ZNF740: variants seen among roughly 807,000 people sequenced by gnomAD.
ZNF740 encodes the protein zinc finger protein 740.
A neutral mutation model predicts 24.8 loss-of-function variants in ZNF740; 14 were observed. The ratio of observed to expected loss-of-function variants is 0.56; its 90% CI spans 0.37 to 0.88. The LOEUF is 0.88. Among genes scored for constraint, ZNF740 ranks in the 40% least tolerant of loss-of-function variants. ZNF740 has a pLI of 0.00. For synonymous variants in ZNF740, 69 were observed against 84.0 expected (o/e 0.82, Z 0.98); for missense variants, 201 against 247.9 (o/e 0.81, Z 1.27).
chr12:53,193,378 C>A lies in ZNF740; in HGVS notation c.*5788C>A. The A allele has an allele frequency of 6.5e-7, 1 of 1,546,128 alleles. No individual in the cohort carries two copies. Among genetic ancestry groups the A allele is most frequent in the Non-Finnish European group, 8.8e-7 (1 of 1,141,562 alleles). Reference sequence around the variant, plus strand: ...CAGGGGCACAGCTGGAAGGGGAAGGCAAAGGAGAGAAGTAGGTCAGAGGGT... The same window carrying A: ...CAGGGGCACAGCTGGAAGGGGAAGGAAAAGGAGAGAAGTAGGTCAGAGGGT... On this transcript the variant is annotated 3_prime_UTR_variant, in exon 7 of 7. Coordinates refer to ENST00000416904, the MANE Select transcript of ZNF740 (RefSeq NM_001004304.4).
rs1175467493 is a variant in ZNF740, at chr12:53,192,482, G to T, written c.*4892G>T. The T allele has an allele frequency of 6.2e-7, 1 of 1,614,084 alleles. No individual in the cohort carries two copies. Among genetic ancestry groups the T allele is most frequent in the Non-Finnish European group, 8.5e-7 (1 of 1,180,056 alleles). On this transcript the variant is annotated 3_prime_UTR_variant, in exon 7 of 7. Transcript: ENST00000416904. ...GGTCACATTGGTATGGGCACAAGCTGTACTGCAGTTGGTGGCCAGTGGGCC... is the reference window on the plus strand; with the variant it reads ...GGTCACATTGGTATGGGCACAAGCTTTACTGCAGTTGGTGGCCAGTGGGCC...
At position 53,193,266 on chromosome 12, in the gene ZNF740, C is replaced by T; in HGVS notation, c.*5676C>T. 2 of 1,613,926 alleles carry T rather than the reference C, an allele frequency of 1.2e-6. No homozygotes were observed. The highest frequency in any genetic ancestry group is 1.1e-5 in the South Asian group (1 of 91,048). ...TGACCCTTTCCACTGCACAGGGGCC[C>T]TGTGCCATTGGGAGCCCGGCACCCA... is the stretch of plus-strand genomic sequence containing the variant. On this transcript the variant is annotated 3_prime_UTR_variant, in exon 7 of 7. Transcript: ENST00000416904.
rs1348290768 is a variant in ZNF740 at position 53,191,798 on chromosome 12, CAG to C, written c.*4209_*4210del. 48 of 1,603,650 alleles carry C rather than the reference CAG, an allele frequency of 3.0e-5. No homozygotes were observed. The highest frequency in any genetic ancestry group is 3.7e-5 in the Non-Finnish European group (43 of 1,171,464). ...GCTGGGGGAACCCAGTGGGAGGAAT[CAG>C]GGCTGGTCTTGTGGTGGGGGAACAG... On this transcript the variant is annotated 3_prime_UTR_variant, in exon 7 of 7. Transcript: ENST00000416904.
chr12:53,181,576 G>C, intron 1 of ZNF740, 101 bp from the exon 2 acceptor site: 1 of 913,466 alleles, frequency 1.1e-6, no homozygotes, highest in Non-Finnish European at 1.3e-6. Context: ...CTCGTTCTGA[G>C]CTTCACAGAG....
chr12:53,193,967 A>G lies in ZNF740; in HGVS notation c.*6377A>G, dbSNP rs751675642. 8 of 1,457,766 alleles carry G rather than the reference A, an allele frequency of 5.5e-6. No individual in the cohort carries two copies. Among genetic ancestry groups the G allele is most frequent in the East Asian group, 4.6e-5 (2 of 43,628 alleles). 90.3% of individuals were successfully genotyped at this position (1,457,766 alleles called of 1,614,324 possible). On this transcript the variant is annotated 3_prime_UTR_variant, in exon 7 of 7. Transcript: ENST00000416904. ...ACACACACATACCCCAAACTCACCA[A>G]TCATCCAGAACCTCACCCCTTAGTA...
chr12:53,192,034 C>T lies in ZNF740; in HGVS notation c.*4444C>T. ...GTCTGCTCCCTCTGTGAACAAGAAA[C>T]CAGACACACTTGTGGGAGCTGGAGC... On this transcript the variant is annotated 3_prime_UTR_variant, in exon 7 of 7. Coordinates refer to ENST00000416904, the MANE Select transcript of ZNF740 (RefSeq NM_001004304.4). The T allele has an allele frequency of 1.2e-6, 2 of 1,608,892 alleles. No homozygotes were observed. The highest frequency in any genetic ancestry group is 1.7e-6 in the Non-Finnish European group (2 of 1,176,784).
In ZNF740 at chr12:53,191,712, C is replaced by G; in HGVS notation, c.*4122C>G. Reference sequence around the variant, plus strand: ...CCCTTTCTAGACCTAAGAGGCCAGCCTTGAGCCGAATCCTAGGAGCTGATG... The same window carrying G: ...CCCTTTCTAGACCTAAGAGGCCAGCGTTGAGCCGAATCCTAGGAGCTGATG... On this transcript the variant is annotated 3_prime_UTR_variant, in exon 7 of 7. Transcript: ENST00000416904. The G allele has an allele frequency of 6.5e-7, 1 of 1,538,448 alleles. No individual in the cohort carries two copies. The highest frequency in any genetic ancestry group is 1.4e-5 in the African/African-American group (1 of 73,516).
Position 53,191,435 on chromosome 12 carries a change from G to A in ZNF740, c.*3845G>A. On this transcript the variant is annotated 3_prime_UTR_variant, in exon 7 of 7. Coordinates refer to ENST00000416904, the MANE Select transcript of ZNF740 (RefSeq NM_001004304.4). Reference sequence around the variant, plus strand: ...CACTCTGAAAATGAAGTAGGGTGGTGGCCGCACCTCGCCAGTGAATTAGTC... The same window carrying A: ...CACTCTGAAAATGAAGTAGGGTGGTAGCCGCACCTCGCCAGTGAATTAGTC... 6.3e-6 allele frequency: 5 copies of A among 793,252 alleles called. No homozygotes were observed. Among genetic ancestry groups the A allele is most frequent in the South Asian group, 5.7e-5 (4 of 70,626 alleles). 49.1% of individuals were successfully genotyped at this position (793,252 alleles called of 1,614,324 possible).
In ZNF740 at chr12:53,187,926, G is replaced by A. The variant is rs1378374021; in HGVS notation, c.*336G>A. The A allele has an allele frequency of 7.1e-6, 2 of 283,540 alleles. No homozygotes were observed. The highest frequency in any genetic ancestry group is 1.3e-5 in the Non-Finnish European group (2 of 148,362). The allele number at this position is 283,540 out of a possible 1,614,324, so 17.6% of individuals were successfully genotyped here. On this transcript the variant is annotated 3_prime_UTR_variant, in exon 7 of 7. Transcript: ENST00000416904. ...CAACCTTGGACTCCAGCTGGCAGCT[G>A]AAATGGAAAAGATTGGGGAAGGGGA...
chr12:53,194,000 G>A lies in ZNF740; in HGVS notation c.*6410G>A. ...GAACCTCACCCCTTAGTAAATGAAG[G>A]GATGGGGTCATGTTAACACCCAACT... On this transcript the variant is annotated 3_prime_UTR_variant, in exon 7 of 7. Transcript: ENST00000416904. The A allele has an allele frequency of 7.4e-7, 1 of 1,346,138 alleles. No individual in the cohort carries two copies. Among genetic ancestry groups the A allele is most frequent in the South Asian group, 1.4e-5 (1 of 72,886 alleles). The allele number at this position is 1,346,138 out of a possible 1,614,324, so 83.4% of individuals were successfully genotyped here.
rs1424074370 is a variant in ZNF740 at position 53,190,015 on chromosome 12, T to G, written c.*2425T>G. The G allele has an allele frequency of 7.3e-6, 1 of 136,650 alleles. No homozygotes were observed. The highest frequency in any genetic ancestry group is 2.7e-5 in the African/African-American group (1 of 37,402). The allele number at this position is 136,650 out of a possible 1,614,324, so 8.5% of individuals were successfully genotyped here. A position where few individuals can be genotyped will look rare whatever the true frequency, so the allele number is the denominator to read the frequency against. On this transcript the variant is annotated 3_prime_UTR_variant, in exon 7 of 7. Transcript: ENST00000416904. ...GCCCTGGGTTCCCACAGACCTTGGT[T>G]TCCTGCCTGGGTGGGTGGGAGGGAG... is the stretch of plus-strand genomic sequence containing the variant.
In ZNF740 at chr12:53,184,989, C is replaced by A; in HGVS notation, c.108C>A (p.Ala36=). 1 of 1,613,968 alleles carries A rather than the reference C, an allele frequency of 6.2e-7. No individual in the cohort carries two copies. The highest frequency in any genetic ancestry group is 1.3e-5 in the African/African-American group (1 of 75,034). ...MMLSQIASKQ[A]ENGERAGSPD... ...TGAGCCAGATTGCCAGCAAGCAGGC[C>A]GAGAATGGCGAGCGGGCAGGTAGCC... Residue 36 remains alanine (A), a synonymous_variant, in exon 3 of 7, where the codon GCC becomes GCA. Transcript: ENST00000416904.
In ZNF740 at chr12:53,184,971, G is replaced by A; in HGVS notation, c.90G>A (p.Gln30=). The part of the protein sequence containing the change: ...TAASKKMMLS[Q]IASKQAENGE... Reference sequence around the variant, plus strand: ...CCAGCAAGAAGATGATGCTGAGCCAGATTGCCAGCAAGCAGGCCGAGAATG... The same window carrying A: ...CCAGCAAGAAGATGATGCTGAGCCAAATTGCCAGCAAGCAGGCCGAGAATG... The change falls in exon 3 of 7, where the codon CAG becomes CAA. Residue 30 remains glutamine (Q), a synonymous_variant. Transcript: ENST00000416904. 6.2e-7 allele frequency: 1 copy of A among 1,614,066 alleles called. No individual in the cohort carries two copies. Among genetic ancestry groups the A allele is most frequent in the Non-Finnish European group, 8.5e-7 (1 of 1,179,904 alleles).
rs766280322 is a variant in ZNF740, at chr12:53,185,034, G to C, written c.153G>C (p.Ser51=). 1 of 1,613,910 alleles carries C rather than the reference G, an allele frequency of 6.2e-7. No homozygotes were observed. Among genetic ancestry groups the C allele is most frequent in the Non-Finnish European group, 8.5e-7 (1 of 1,179,882 alleles). Reference sequence around the variant, plus strand: ...GTAGCCCTGATGTGCTGAGGTGCTCGAGTCAGGTACAGCGCTTGAGTCCAT... The same window carrying C: ...GTAGCCCTGATGTGCTGAGGTGCTCCAGTCAGGTACAGCGCTTGAGTCCAT... ...RAGSPDVLRC[S]SQGHRKDSDK... is the part of the protein sequence containing the mutation. The change falls in exon 3 of 7, where the codon TCG becomes TCC. Residue 51 remains serine (S), a synonymous_variant. Transcript: ENST00000416904.
rs748654317 is a variant in ZNF740, at chr12:53,187,606, G to C, written c.*16G>C. The C allele has an allele frequency of 6.2e-7, 1 of 1,608,496 alleles. No individual in the cohort carries two copies. The highest frequency in any genetic ancestry group is 1.1e-5 in the South Asian group (1 of 90,870). ...TTCTCTATAGGCGCAAGGGGCCCCGGGTGGTGGGAGTGATCAGAAGAACCT... is the reference window on the plus strand; with the variant it reads ...TTCTCTATAGGCGCAAGGGGCCCCGCGTGGTGGGAGTGATCAGAAGAACCT... On this transcript the variant is annotated 3_prime_UTR_variant, in exon 7 of 7. Coordinates refer to ENST00000416904, the MANE Select transcript of ZNF740 (RefSeq NM_001004304.4).
chr12:53,180,966 G>A (rs576789705), intron 1 of ZNF740, 129 bp downstream of exon 1: 1 of 763,702 alleles, frequency 1.3e-6, no homozygotes, highest in Non-Finnish European at 1.6e-6. Flanking sequence ...GAAGGGAGGG[G>A]GATCTCCGGG....
In ZNF740 at chr12:53,190,354, A is replaced by G. The variant is rs143032406; in HGVS notation, c.*2764A>G. 3.9e-5 allele frequency: 6 copies of G among 152,738 alleles called. No homozygotes were observed. Among genetic ancestry groups the G allele is most frequent in the African/African-American group, 1.2e-4 (5 of 41,520 alleles). 9.5% of individuals were successfully genotyped at this position (152,738 alleles called of 1,614,324 possible). The stretch of plus-strand genomic sequence containing the variant: ...CTCAGGTGTGTTTGGAGTGGGGGAA[A>G]CGGAAGTAGGGCACGCTCTCAGAGA... On this transcript the variant is annotated 3_prime_UTR_variant, in exon 7 of 7. Transcript: ENST00000416904.
In ZNF740 at chr12:53,194,363, T is replaced by G; in HGVS notation, c.*6773T>G. ...ACAGGCTCTATGGGAAGAGAGCGAGTGGATAACCACGTGAAGGCAGAAAAG... is the reference window on the plus strand; with the variant it reads ...ACAGGCTCTATGGGAAGAGAGCGAGGGGATAACCACGTGAAGGCAGAAAAG... On this transcript the variant is annotated 3_prime_UTR_variant, in exon 7 of 7. Transcript: ENST00000416904. The G allele has an allele frequency of 1.9e-6, 3 of 1,613,158 alleles. No individual in the cohort carries two copies. Among genetic ancestry groups the G allele is most frequent in the Non-Finnish European group, 2.5e-6 (3 of 1,179,570 alleles).
At position 53,192,821 on chromosome 12, in the gene ZNF740, T is replaced by C; in HGVS notation, c.*5231T>C. On this transcript the variant is annotated 3_prime_UTR_variant, in exon 7 of 7. Transcript: ENST00000416904. ...CTGCAGAGCCCTCCCTCGGGACTGATGCAACTGTCCATGTCCCCACTGCAT... is the reference window on the plus strand; with the variant it reads ...CTGCAGAGCCCTCCCTCGGGACTGACGCAACTGTCCATGTCCCCACTGCAT... The C allele has an allele frequency of 1.2e-6, 2 of 1,614,240 alleles. No individual in the cohort carries two copies. Among genetic ancestry groups the C allele is most frequent in the Non-Finnish European group, 1.7e-6 (2 of 1,180,050 alleles).
Sources: allele counts gnomAD v4.1 joint callset, GRCh38; gene constraint gnomAD v4.1.1; transcripts MANE v1.5; gene names NCBI Gene and HGNC (gene_info 2026-07-23, HGNC 2026-07-21).